Variants in PDE4B observed in about 807,000 individuals in gnomAD.
PDE4B encodes phosphodiesterase 4B, also known as 3',5'-cyclic-AMP phosphodiesterase 4B.
Under a neutral mutation model 82.2 loss-of-function variants are expected in PDE4B, and 20 were observed. That is an observed-to-expected ratio of 0.24 (90% CI 0.17 to 0.35). The LOEUF (loss-of-function observed/expected upper bound fraction) is 0.35, where lower values mean the gene tolerates loss of function less well. PDE4B is among the 10% of genes least tolerant of loss of function. The pLI, the probability that PDE4B is intolerant of heterozygous loss-of-function variation, is 1.00. For missense variants in PDE4B, 655 were observed against 907.2 expected (o/e 0.72, Z 3.57); for synonymous variants, 320 against 318.9 (o/e 1.00, Z -0.04).
At chr1:65,862,116 T>C (rs1026649744) in intron 1 of PDE4B, among the ~76,000 whole-genome samples, 3 of 152,166 alleles carry the variant, frequency 2.0e-5, no homozygotes, top group East Asian at 1.9e-4. Context: ...AGGGCATCCT[T>C]GTCTTATACC....
chr1:66,354,672 G>T, intron 8 of PDE4B: 1 of 1,406,192 alleles, frequency 7.1e-7, no homozygotes, highest in Non-Finnish European at 9.2e-7. Flanking sequence ...GTGCGAAGAT[G>T]GGCTTTGTTT....
chr1:66,240,614 A>G (rs930181151), intron 3 of PDE4B, among the ~76,000 whole-genome samples: 1 of 152,178 alleles, frequency 6.6e-6, no homozygotes, highest in East Asian at 1.9e-4. Context: ...ATCTGAAACT[A>G]TCTTACTTTC....
At chr1:65,936,327 C>G (rs1648136254) in intron 3 of PDE4B, among the ~76,000 whole-genome samples, 1 of 152,008 alleles carries the variant, frequency 6.6e-6, no homozygotes, top group South Asian at 2.1e-4. Flanking sequence ...AAAAAGTCAG[C>G]ACAGTAGGTT....
chr1:66,068,098 A>G (rs12729278), intron 3 of PDE4B, among the ~76,000 whole-genome samples: 32,559 of 94,624 alleles, frequency 0.34, 4,060 homozygotes, highest in Middle Eastern at 0.49. Flanking sequence ...TATAATAATA[A>G]TAAAATTAAA....
intron 3 of PDE4B, among the ~76,000 whole-genome samples, chr1:66,233,805 C>T (rs1053515763): frequency 1.3e-5 from 2 of 152,058 alleles, no homozygotes; most frequent in African/African-American, 4.8e-5. Context: ...AGTCTGTTAG[C>T]ATGGAGAACT....
At chr1:66,085,975 G>A (rs114823493) in intron 3 of PDE4B, among the ~76,000 whole-genome samples, 2,750 of 152,170 alleles carry the variant, frequency 0.018, 39 homozygotes, top group Non-Finnish European at 0.027. Context: ...TGGGGAAAAC[G>A]TTTGAACCAA....
chr1:65,995,615 C>CT (rs980806545), intron 3 of PDE4B, among the ~76,000 whole-genome samples: 1 of 152,014 alleles, frequency 6.6e-6, no homozygotes, highest in Non-Finnish European at 1.5e-5. Flanking sequence ...ATTTCATGTG[C>CT]TTTTTTACAT....
rs547790143 is a variant in PDE4B at position 65,930,252 on chromosome 1, C to G, written c.281+11417C>G. On this transcript the variant is annotated intron_variant, in intron 3 of 16. Transcript: ENST00000341517. Reference sequence around the variant, plus strand: ...GTGCCCACCAGATTAAGGGTGAATCCTCTTTCCCGAGCCCACTGACTCAAA... The same window carrying G: ...GTGCCCACCAGATTAAGGGTGAATCGTCTTTCCCGAGCCCACTGACTCAAA... 3.3e-5 allele frequency among the ~76,000 whole-genome samples: 5 copies of G among 152,292 alleles called. No homozygotes were observed. The East Asian group carries it at 7.7e-4, about 24-fold the overall frequency.
At position 65,913,320 on chromosome 1, in the gene PDE4B, G is replaced by T; in HGVS notation, c.6G>T (p.Lys2Asn). 6.2e-7 allele frequency: 1 copy of T among 1,613,654 alleles called. No homozygotes were observed. Among genetic ancestry groups the T allele is most frequent in the Non-Finnish European group, 8.5e-7 (1 of 1,179,640 alleles). The change falls in exon 2 of 17, where the codon AAG (lysine) becomes AAT (asparagine). Residue 2 changes from lysine to asparagine, a missense_variant. Physicochemically the swap from Lys to Asn is moderately conservative, Grantham distance 94. Coordinates refer to ENST00000341517, the MANE Select transcript of PDE4B (RefSeq NM_002600.4). MKKSRSVMTVMA... is the reference protein window; with the variant it reads MNKSRSVMTVMA... The stretch of plus-strand genomic sequence containing the variant: ...GGATATTTTCCACCTCTATAATGAA[G>T]AAAAGCAGGAGTGTGATGACGGTGA...
Position 65,958,740 on chromosome 1 carries a change from ACACACACACGCGCGCGCGCGCGCG to A in PDE4B, c.281+39914_281+39937del, listed in dbSNP as rs1205313166. Among the ~76,000 whole-genome samples, 1,127 of 146,260 alleles carry A rather than the reference ACACACACACGCGCGCGCGCGCGCG, an allele frequency of 7.7e-3. 18 individuals are homozygous for A. Among genetic ancestry groups the A allele is most frequent in the African/African-American group, 0.027 (1,089 of 40,584 alleles). On this transcript the variant is annotated intron_variant, in intron 3 of 16. Transcript: ENST00000341517. ...TATGTTGGTATAATGTGATACACAC[ACACACACACGCGCGCGCGCGCGCG>A]CACACACATACACACACGCAAAATA...
intron 13 of PDE4B, among the ~76,000 whole-genome samples, chr1:66,366,385 G>A (rs578021373): frequency 1.0e-3 from 153 of 152,258 alleles, no homozygotes; most frequent in Middle Eastern, 3.4e-3. Context: ...CTTTTGTCAT[G>A]CTTAAAATGT....
chr1:66,066,144 A>G (rs148505868), intron 3 of PDE4B, among the ~76,000 whole-genome samples: 1 of 151,816 alleles, frequency 6.6e-6, no homozygotes, highest in African/African-American at 2.4e-5. Context: ...ATTTAAAAAT[A>G]GAATATGTAT....
At chr1:66,236,373 G>T (rs1652454093) in intron 3 of PDE4B, among the ~76,000 whole-genome samples, 1 of 152,032 alleles carries the variant, frequency 6.6e-6, no homozygotes, top group Non-Finnish European at 1.5e-5. Flanking sequence ...CTTCACAGTA[G>T]ATTGTTATTA....
intron 1 of PDE4B, among the ~76,000 whole-genome samples, chr1:65,851,832 T>C (rs1557778847): frequency 6.6e-6 from 1 of 151,988 alleles, no homozygotes; most frequent in Non-Finnish European, 1.5e-5. Context: ...GAGTTCTTGT[T>C]TTTGTTATCC....
chr1:66,112,739 T>C (rs1391243327), intron 3 of PDE4B: 1 of 152,176 alleles, frequency 6.6e-6, no homozygotes, highest in Non-Finnish European at 1.5e-5. Flanking sequence ...CAACACCTTA[T>C]CATATTTAAT....
chr1:66,099,922 T>G (rs1431086109), intron 3 of PDE4B, among the ~76,000 whole-genome samples: 1 of 152,146 alleles, frequency 6.6e-6, no homozygotes, highest in Admixed American at 6.6e-5. Context: ...TCATGTTTCT[T>G]ACTTAATTCA....
At chr1:66,349,785 A>G (rs1485371789) in intron 8 of PDE4B, among the ~76,000 whole-genome samples, 1 of 152,216 alleles carries the variant, frequency 6.6e-6, no homozygotes, top group Non-Finnish European at 1.5e-5. Context: ...TGTTAGTTTC[A>G]TAAGGAGTTT....
intron 3 of PDE4B, among the ~76,000 whole-genome samples, chr1:66,082,836 T>G (rs1570177763): frequency 6.6e-6 from 1 of 152,028 alleles, no homozygotes; most frequent in East Asian, 1.9e-4. Flanking sequence ...AATACTATGC[T>G]AGGCATCTGT....
chr1:66,201,455 G>A (rs1362235673), intron 3 of PDE4B, among the ~76,000 whole-genome samples: 1 of 152,100 alleles, frequency 6.6e-6, no homozygotes, highest in Non-Finnish European at 1.5e-5. Context: ...GGTAGAATTT[G>A]GCTGTGAATC....
Sources: allele counts gnomAD v4.1 joint callset (sites outside exome capture counted in the v4.1 genomes callset), GRCh38; gene constraint gnomAD v4.1.1; transcripts MANE v1.5; gene names NCBI Gene and HGNC (gene_info 2026-07-23, HGNC 2026-07-21).